Variants in EML6 observed in about 807,000 individuals in gnomAD.
EML6 encodes the protein EMAP like 6, also known as echinoderm microtubule-associated protein-like 6.
EML6 carries 154 observed loss-of-function variants against 240.1 expected under a neutral mutation model. The observed-to-expected ratio is 0.64, with a 90% CI of 0.56 to 0.73. The LOEUF is 0.73. Ranked by LOEUF, EML6 falls within the 30% of genes least tolerant of loss-of-function variation. The pLI, the probability that EML6 is intolerant of heterozygous loss-of-function variation, is 0.00. For synonymous variants in EML6, 1,148 were observed against 899.0 expected (o/e 1.28, Z -4.95); for missense variants, 2,964 against 2,474.6 (o/e 1.20, Z -4.20).
At chr2:54,915,262 G>C (rs1396488182) in intron 25 of EML6, among the ~76,000 whole-genome samples, 4 of 152,164 alleles carry the variant, frequency 2.6e-5, no homozygotes, top group Admixed American at 2.6e-4. Flanking sequence ...GTGTTGGGGT[G>C]TCTGCCAGGG....
In EML6 at chr2:54,913,233, C is replaced by A. The variant is rs370164645; in HGVS notation, c.3498+2191C>A. Among the ~76,000 whole-genome samples the A allele has an allele frequency of 4.3e-4, 65 of 150,988 alleles. No individual in the cohort carries two copies. The South Asian group carries it at 6.9e-3, about 16-fold the overall frequency. On this transcript the variant is annotated intron_variant, in intron 25 of 41. Transcript: ENST00000356458. ...TCTTTTGAGACGTGTCTTTTCATAT[C>A]TTTTGCCCACTTTTTTTTTTTTTAA... is the stretch of plus-strand genomic sequence containing the variant.
chr2:54,842,811 G>A (rs573966633), intron 7 of EML6, among the ~76,000 whole-genome samples: 1 of 152,312 alleles, frequency 6.6e-6, no homozygotes, highest in East Asian at 1.9e-4. Flanking sequence ...CTACTGAGAG[G>A]GACGTGTGGA....
At chr2:54,833,417 G>A (rs1385114863) in intron 7 of EML6, among the ~76,000 whole-genome samples, 1 of 152,132 alleles carries the variant, frequency 6.6e-6, no homozygotes, top group East Asian at 1.9e-4. Flanking sequence ...ACTAAGCTCA[G>A]AAAAAAATGA....
At chr2:54,798,770 A>G (rs1007236957) in intron 2 of EML6, among the ~76,000 whole-genome samples, 1 of 152,222 alleles carries the variant, frequency 6.6e-6, no homozygotes, top group Non-Finnish European at 1.5e-5. Flanking sequence ...CAATCTTTAT[A>G]CCTTTTATTT....
chr2:54,791,510 C>A (rs1036071967), intron 2 of EML6, among the ~76,000 whole-genome samples: 3 of 152,190 alleles, frequency 2.0e-5, no homozygotes, highest in East Asian at 3.8e-4. Context: ...GCAATGTAAA[C>A]CCTGAAGTTG....
At chr2:54,965,691 A>G (rs1212883114) in intron 38 of EML6, among the ~76,000 whole-genome samples, 1 of 152,050 alleles carries the variant, frequency 6.6e-6, no homozygotes, top group Non-Finnish European at 1.5e-5. Flanking sequence ...GGGCCACAAG[A>G]TCAGATGAGC....
intron 7 of EML6, among the ~76,000 whole-genome samples, chr2:54,830,125 A>T (rs1285670272): frequency 6.6e-6 from 1 of 152,216 alleles, no homozygotes; most frequent in Non-Finnish European, 1.5e-5. Flanking sequence ...TATTCTCACC[A>T]TATATAGAGT....
intron 33 of EML6, among the ~76,000 whole-genome samples, chr2:54,958,430 G>C (rs949596018): frequency 6.6e-6 from 1 of 152,128 alleles, no homozygotes; most frequent in African/African-American, 2.4e-5. Flanking sequence ...GACCTCAGGT[G>C]ATCCGCCTGC....
chr2:54,772,975 G>T (rs1328337825), intron 2 of EML6, among the ~76,000 whole-genome samples: 4 of 152,214 alleles, frequency 2.6e-5, no homozygotes, highest in Non-Finnish European at 4.4e-5. Context: ...TTAGGTGTTG[G>T]TTAGGCCCAG....
At chr2:54,770,787 C>T (rs145980134) in intron 2 of EML6, among the ~76,000 whole-genome samples, 1 of 152,138 alleles carries the variant, frequency 6.6e-6, no homozygotes, top group African/African-American at 2.4e-5. Context: ...TGTGACTGCA[C>T]GCTTTTCCAG....
intron 2 of EML6, among the ~76,000 whole-genome samples, chr2:54,751,044 G>A (rs1049633088): frequency 6.6e-6 from 1 of 152,198 alleles, no homozygotes; most frequent in Non-Finnish European, 1.5e-5. Context: ...ATAATAGGAT[G>A]TTGAGCTTGA....
intron 2 of EML6, among the ~76,000 whole-genome samples, chr2:54,790,114 A>G (rs947982546): frequency 1.3e-5 from 2 of 152,252 alleles, no homozygotes; most frequent in African/African-American, 4.8e-5. Context: ...ATGACATTGC[A>G]TAATTTCAGT....
chr2:54,830,454 G>A (rs1668812876), intron 7 of EML6, among the ~76,000 whole-genome samples: 1 of 152,138 alleles, frequency 6.6e-6, no homozygotes, highest in Admixed American at 6.5e-5. Flanking sequence ...AATTTCCTGA[G>A]CATCTTTTAG....
chr2:54,906,339 G>A (rs796715736), intron 24 of EML6, among the ~76,000 whole-genome samples: 10 of 152,320 alleles, frequency 6.6e-5, no homozygotes, highest in African/African-American at 2.4e-4. Context: ...AGAGAAGTAA[G>A]TCCCAGATAG....
chr2:54,856,785 T>C (rs1182371658), intron 11 of EML6, among the ~76,000 whole-genome samples: 3 of 152,222 alleles, frequency 2.0e-5, no homozygotes, highest in African/African-American at 7.2e-5. Context: ...TATGGATGGT[T>C]TTACATGGAG....
At chr2:54,871,684 C>T (rs533225736) in intron 16 of EML6, 79 bp downstream of exon 16, 83 of 1,003,976 alleles carry the variant, frequency 8.3e-5, no homozygotes, top group Middle Eastern at 4.1e-4. Flanking sequence ...CGCGCATGCG[C>T]GCACGCGTGT....
At chr2:54,849,233 GC>G (rs1669937132) in intron 9 of EML6, among the ~76,000 whole-genome samples, 1 of 152,064 alleles carries the variant, frequency 6.6e-6, no homozygotes, top group Non-Finnish European at 1.5e-5. Context: ...GTGTAATTGG[GC>G]TATCCATCAC....
chr2:54,951,841 T>C (rs1258883199), intron 30 of EML6, among the ~76,000 whole-genome samples: 1 of 152,120 alleles, frequency 6.6e-6, no homozygotes, highest in Non-Finnish European at 1.5e-5. Flanking sequence ...GACCTTGACA[T>C]TGTCTATATA....
At chr2:54,885,650 C>T (rs1423723009) in intron 17 of EML6, among the ~76,000 whole-genome samples, 1 of 151,974 alleles carries the variant, frequency 6.6e-6, no homozygotes, top group African/African-American at 2.4e-5. Flanking sequence ...CTTGCTCTTT[C>T]TCCCAGGCCA....
Sources: gnomAD v4.1 joint callset for allele counts (sites outside exome capture counted in the v4.1 genomes callset) on GRCh38, gnomAD v4.1.1 for gene constraint, MANE v1.5 for transcripts, NCBI Gene and HGNC (gene_info 2026-07-23, HGNC 2026-07-21) for gene names.